CDH4: variants seen among roughly 807,000 people sequenced by gnomAD.
The protein encoded by CDH4 is cadherin 4.
Under a neutral mutation model 86.0 loss-of-function variants are expected in CDH4, and 33 were observed. That is an observed-to-expected ratio of 0.38 (90% CI 0.29 to 0.51). The LOEUF (loss-of-function observed/expected upper bound fraction) is 0.51, where lower values mean the gene tolerates loss of function less well. CDH4 is among the 20% of genes least tolerant of loss of function. The pLI, the probability that CDH4 is intolerant of heterozygous loss-of-function variation, is 0.86. For synonymous variants in CDH4, 555 were observed against 549.4 expected (o/e 1.01, Z -0.14); for missense variants, 1,114 against 1,307.4 (o/e 0.85, Z 2.28).
At chr20:61,652,930 A>ATTTTTT (rs1200927520) in intron 2 of CDH4, among the ~76,000 whole-genome samples, 9 of 108,016 alleles carry the variant, frequency 8.3e-5, no homozygotes, top group African/African-American at 2.5e-4. Context: ...TTATTTATTT[A>ATTTTTT]TTTATTTATT....
intron 2 of CDH4, among the ~76,000 whole-genome samples, chr20:61,329,790 C>T (rs1283110583): frequency 6.6e-6 from 1 of 152,148 alleles, no homozygotes; most frequent in Non-Finnish European, 1.5e-5. Context: ...ATCACCCATC[C>T]CCTAGGTATT....
intron 2 of CDH4, among the ~76,000 whole-genome samples, chr20:61,458,660 G>GGTAATGATAGTGATGGTGATA (rs1230718877): frequency 6.6e-6 from 1 of 152,132 alleles, no homozygotes; most frequent in Non-Finnish European, 1.5e-5. Flanking sequence ...TGGTGATAAT[G>GGTAATGATAGTGATGGTGATA]GTAATGATAG....
At chr20:61,485,881 G>A (rs1479088920) in intron 2 of CDH4, among the ~76,000 whole-genome samples, 1 of 152,178 alleles carries the variant, frequency 6.6e-6, no homozygotes, top group Non-Finnish European at 1.5e-5. Flanking sequence ...TACACTCCAC[G>A]TTCCTCTGAT....
chr20:61,602,979 A>G (rs1189992131), intron 2 of CDH4, among the ~76,000 whole-genome samples: 1 of 152,224 alleles, frequency 6.6e-6, no homozygotes, highest in African/African-American at 2.4e-5. Context: ...CTCCTGCGTG[A>G]TCTGCAGGCG....
intron 4 of CDH4, among the ~76,000 whole-genome samples, chr20:61,800,098 G>T (rs1979750294): frequency 6.6e-6 from 1 of 152,212 alleles, no homozygotes. Context: ...TCCAGGGCCG[G>T]GTGGGGCCAG....
chr20:61,469,853 G>A (rs931104667), intron 2 of CDH4, among the ~76,000 whole-genome samples: 3 of 152,002 alleles, frequency 2.0e-5, no homozygotes, highest in Non-Finnish European at 2.9e-5. Flanking sequence ...TGCCTTTGTC[G>A]AAAATGTGTT....
At chr20:61,322,052 G>A (rs914980347) in intron 2 of CDH4, among the ~76,000 whole-genome samples, 1 of 152,120 alleles carries the variant, frequency 6.6e-6, no homozygotes, top group South Asian at 2.1e-4. Flanking sequence ...TTGAGGTTAC[G>A]TGGTTGGTCA....
intron 3 of CDH4, among the ~76,000 whole-genome samples, chr20:61,748,715 C>CA (rs1381605539): frequency 6.6e-6 from 1 of 152,118 alleles, no homozygotes. Context: ...AAGTTGTTTG[C>CA]ATTTTTCTCA....
intron 4 of CDH4, among the ~76,000 whole-genome samples, chr20:61,812,323 A>G (rs1159217559): frequency 1.3e-5 from 2 of 152,120 alleles, no homozygotes; most frequent in African/African-American, 4.8e-5. Flanking sequence ...CCCTGCCCTC[A>G]AGCCGTCACT....
chr20:61,784,761 C>T (rs1555838207), intron 4 of CDH4, among the ~76,000 whole-genome samples: 1 of 141,044 alleles, frequency 7.1e-6, no homozygotes, highest in Admixed American at 7.0e-5. Flanking sequence ...AGAATGTAAG[C>T]CCAGTTCCTC....
At chr20:61,366,611 G>A (rs948306507) in intron 2 of CDH4, among the ~76,000 whole-genome samples, 2 of 152,222 alleles carry the variant, frequency 1.3e-5, no homozygotes, top group African/African-American at 4.8e-5. Context: ...GGGATTGGCC[G>A]AATTAAAGGA....
At chr20:61,915,261 G>A (rs1382931016) in intron 9 of CDH4, among the ~76,000 whole-genome samples, 2 of 152,248 alleles carry the variant, frequency 1.3e-5, no homozygotes, top group Non-Finnish European at 2.9e-5. Flanking sequence ...AGGTGTCTGT[G>A]TGTGTTCAGG....
intron 2 of CDH4, among the ~76,000 whole-genome samples, chr20:61,526,960 A>G (rs1295300930): frequency 6.6e-6 from 1 of 152,220 alleles, no homozygotes; most frequent in African/African-American, 2.4e-5. Flanking sequence ...TTGATATGTC[A>G]AGCGTTCTAC....
chr20:61,806,658 G>T (rs574210379), intron 4 of CDH4, among the ~76,000 whole-genome samples: 7 of 152,344 alleles, frequency 4.6e-5, no homozygotes, highest in Non-Finnish European at 1.0e-4. Flanking sequence ...AGGGGCTGCT[G>T]GAGGAGCTGC....
At chr20:61,929,503 C>T in intron 12 of CDH4, 106 bp from the exon 13 acceptor site, 1 of 768,232 alleles carries the variant, frequency 1.3e-6, no homozygotes, top group Non-Finnish European at 2.2e-6. Flanking sequence ...ACCAGGCAGC[C>T]ATTTCAGATT....
At chr20:61,812,931 A>G (rs957255488) in intron 4 of CDH4, among the ~76,000 whole-genome samples, 1 of 152,208 alleles carries the variant, frequency 6.6e-6, no homozygotes, top group African/African-American at 2.4e-5. Flanking sequence ...AAGCCCTAAC[A>G]TGATGACCAA....
intron 2 of CDH4, among the ~76,000 whole-genome samples, chr20:61,652,926 A>ATTTTTTTTT (rs1430069868): frequency 8.9e-6 from 1 of 112,618 alleles, no homozygotes; most frequent in African/African-American, 3.0e-5. Context: ...GAATTTATTT[A>ATTTTTTTTT]TTTATTTATT....
intron 2 of CDH4, among the ~76,000 whole-genome samples, chr20:61,616,001 G>A (rs1336929942): frequency 1.3e-5 from 2 of 152,238 alleles, no homozygotes; most frequent in Non-Finnish European, 2.9e-5. Flanking sequence ...GCCACGGGAT[G>A]AGGGACGTGG....
At chr20:61,491,989 TTGG>T (rs202006808) in intron 2 of CDH4, among the ~76,000 whole-genome samples, 3 of 152,052 alleles carry the variant, frequency 2.0e-5, no homozygotes, top group East Asian at 3.9e-4. Context: ...ATTGTTGATG[TTGG>T]TGGTGTTGAT....
Sources: allele counts gnomAD v4.1 joint callset (sites outside exome capture counted in the v4.1 genomes callset), GRCh38; gene constraint gnomAD v4.1.1; transcripts MANE v1.5; gene names NCBI Gene and HGNC (gene_info 2026-07-23, HGNC 2026-07-21).